Variants in SLC16A7 observed in about 807,000 individuals in gnomAD.
The protein encoded by SLC16A7 is solute carrier family 16 member 7, also known as monocarboxylate transporter 2.
SLC16A7 carries 33 observed loss-of-function variants against 34.9 expected under a neutral mutation model. That is an observed-to-expected ratio of 0.94 (90% confidence interval 0.72 to 1.26). SLC16A7 has a LOEUF of 1.26. SLC16A7 is among the 50% of genes most tolerant of loss of function. The pLI is 0.00. For missense variants in SLC16A7, 573 were observed against 578.1 expected (o/e 0.99, Z 0.09); for synonymous variants, 201 against 206.6 (o/e 0.97, Z 0.23).
intron 1 of SLC16A7, among the ~76,000 whole-genome samples, chr12:59,598,927 T>C (rs1182408735): frequency 6.6e-6 from 1 of 152,296 alleles, no homozygotes; most frequent in East Asian, 1.9e-4. Flanking sequence ...TAGCAACCAT[T>C]TGAGGTGGAT....
chr12:59,613,146 C>T (rs891112620), intron 1 of SLC16A7, among the ~76,000 whole-genome samples: 4 of 152,184 alleles, frequency 2.6e-5, no homozygotes, highest in African/African-American at 7.2e-5. Flanking sequence ...GCTGCGAGGC[C>T]GCAGAAAACT....
chr12:59,613,869 G>T (rs1879316229), intron 1 of SLC16A7, among the ~76,000 whole-genome samples: 1 of 152,120 alleles, frequency 6.6e-6, no homozygotes, highest in Non-Finnish European at 1.5e-5. Context: ...AGGTATTTCT[G>T]TATGAATATG....
At position 59,774,736 on chromosome 12, in the gene SLC16A7, TG is replaced by T; in HGVS notation, c.443del (p.Gly148AspfsTer11). 2 of 1,613,726 alleles carry T rather than the reference TG, an allele frequency of 1.2e-6. No homozygotes were observed. Among genetic ancestry groups the T allele is most frequent in the Non-Finnish European group, 1.7e-6 (2 of 1,179,832 alleles). On this transcript the variant is annotated frameshift_variant, in exon 5 of 6. Transcript: ENST00000547379. LOFTEE classifies it high-confidence loss of function. ...YFYRKRPMANGLAMAGSPVFL... is the reference protein window; with the variant it reads ...YFYRKRPMANXLAMAGSPVFL... ...TCTATAGGAAGCGACCCATGGCAAA[TG>T]GATTGGCCATGGCAGGAAGTCCTGT...
Position 59,704,906 on chromosome 12 carries a change from A to G in SLC16A7, c.105A>G (p.Ala35=), listed in dbSNP as rs142601127. The G allele has an allele frequency of 5.1e-4, 825 of 1,613,628 alleles. 7 individuals carry two copies. In the African/African-American group the frequency reaches 9.7e-3, roughly 19 times the overall value. ...AAFISIGFSY[A]FPKAVTVFFK... ...TTATCTCCATTGGATTTTCCTATGC[A>G]TTCCCCAAAGCTGTCACCGTATTCT... The change falls in exon 3 of 6, where the codon GCA becomes GCG. Residue 35 remains alanine (A), a synonymous_variant. Transcript: ENST00000547379.
chr12:59,754,055 C>T (rs1879950645), intron 3 of SLC16A7, among the ~76,000 whole-genome samples: 1 of 152,030 alleles, frequency 6.6e-6, no homozygotes. Context: ...CCTTTGAAAC[C>T]AATGAGAACA....
chr12:59,735,939 A>G, intron 3 of SLC16A7: 1 of 1,253,814 alleles, frequency 8.0e-7, no homozygotes, highest in Non-Finnish European at 1.0e-6. Flanking sequence ...GGAAAAAAGG[A>G]GAAGCGGAAT....
At chr12:59,692,406 A>C (rs1290623494) in intron 2 of SLC16A7, among the ~76,000 whole-genome samples, 1 of 151,956 alleles carries the variant, frequency 6.6e-6, no homozygotes, top group Non-Finnish European at 1.5e-5. Context: ...CTTTTTACAC[A>C]CAATTCTGCC....
intron 3 of SLC16A7, among the ~76,000 whole-genome samples, chr12:59,733,471 G>A (rs1877199305): frequency 6.6e-6 from 1 of 152,156 alleles, no homozygotes; most frequent in Non-Finnish European, 1.5e-5. Flanking sequence ...GAGGCTGCTG[G>A]CTGGACCGGG....
At chr12:59,703,916 T>C (rs1246093395) in intron 2 of SLC16A7, among the ~76,000 whole-genome samples, 2 of 151,552 alleles carry the variant, frequency 1.3e-5, no homozygotes, top group African/African-American at 4.8e-5. Flanking sequence ...TTAAAAATAG[T>C]GGGGGCTGGA....
intron 3 of SLC16A7, among the ~76,000 whole-genome samples, chr12:59,720,721 T>A (rs1235304487): frequency 1.3e-5 from 2 of 152,102 alleles, no homozygotes; most frequent in African/African-American, 4.8e-5. Flanking sequence ...ATAATCTCAA[T>A]TTTTAAATAA....
chr12:59,721,942 T>C (rs1459085555), intron 3 of SLC16A7, among the ~76,000 whole-genome samples: 1 of 151,934 alleles, frequency 6.6e-6, no homozygotes, highest in Non-Finnish European at 1.5e-5. Flanking sequence ...ATTCTCAATG[T>C]TCAAAAGTTT....
At chr12:59,657,875 C>CAG (rs1868618569) in intron 2 of SLC16A7, among the ~76,000 whole-genome samples, 1 of 151,930 alleles carries the variant, frequency 6.6e-6, no homozygotes, top group Non-Finnish European at 1.5e-5. Flanking sequence ...CATATTTACT[C>CAG]TTTCTAGCTA....
chr12:59,738,512 A>C (rs1877870556), intron 3 of SLC16A7, among the ~76,000 whole-genome samples: 1 of 152,198 alleles, frequency 6.6e-6, no homozygotes, highest in African/African-American at 2.4e-5. Flanking sequence ...AGGCCTGTCT[A>C]TTCTGACATA....
At chr12:59,602,708 C>G (rs1159225452) in intron 1 of SLC16A7, among the ~76,000 whole-genome samples, 1 of 151,990 alleles carries the variant, frequency 6.6e-6, no homozygotes, top group African/African-American at 2.4e-5. Flanking sequence ...TGGTCTCGAA[C>G]TCCTGACCTC....
intron 3 of SLC16A7, among the ~76,000 whole-genome samples, chr12:59,745,486 A>G (rs1878794995): frequency 6.6e-6 from 1 of 152,248 alleles, no homozygotes; most frequent in African/African-American, 2.4e-5. Flanking sequence ...ATTTAAATCA[A>G]CAAATAATAG....
At chr12:59,685,915 A>G (rs1175590473) in intron 2 of SLC16A7, among the ~76,000 whole-genome samples, 1 of 151,990 alleles carries the variant, frequency 6.6e-6, no homozygotes, top group Non-Finnish European at 1.5e-5. Context: ...TTCTCTGAGG[A>G]TCTCATATCA....
chr12:59,614,569 T>C (rs1879349293), intron 1 of SLC16A7, among the ~76,000 whole-genome samples: 1 of 152,038 alleles, frequency 6.6e-6, no homozygotes, highest in East Asian at 1.9e-4. Context: ...TGAATGTGTC[T>C]TTTTCAAAAT....
rs920740208 is a variant in SLC16A7, at chr12:59,710,664, C to T, written c.217+5646C>T. ...TTCACTTACTGATGTATAAAAAGAA[C>T]CTATTTATTAATTTATGACCTGACA... On this transcript the variant is annotated intron_variant, in intron 3 of 5. Transcript: ENST00000547379. 2.0e-4 allele frequency among the ~76,000 whole-genome samples: 31 copies of T among 152,088 alleles called. 1 individual carries two copies. Among genetic ancestry groups the T allele is most frequent in the Admixed American group, 1.3e-4 (2 of 15,252 alleles).
intron 3 of SLC16A7, among the ~76,000 whole-genome samples, chr12:59,705,309 G>A (rs371746123): frequency 1.3e-5 from 2 of 152,228 alleles, no homozygotes; most frequent in African/African-American, 4.8e-5. Flanking sequence ...ACTTCATTTA[G>A]TTTGAAATAA....
Sources: gnomAD v4.1 joint callset for allele counts (sites outside exome capture counted in the v4.1 genomes callset) on GRCh38, gnomAD v4.1.1 for gene constraint, MANE v1.5 for transcripts, NCBI Gene and HGNC (gene_info 2026-07-23, HGNC 2026-07-21) for gene names.